Variants in CROCC2 observed in about 807,000 individuals in gnomAD.
The protein encoded by CROCC2 is ciliary rootlet coiled-coil, rootletin family member 2, also known as ciliary rootlet coiled-coil protein 2.
Under a neutral mutation model 177.6 loss-of-function variants are expected in CROCC2, and 163 were observed. That is an observed-to-expected ratio of 0.92 (90% CI 0.81 to 1.05). The LOEUF (loss-of-function observed/expected upper bound fraction) is 1.05. Ranked by LOEUF, CROCC2 falls within the 50% of genes least tolerant of loss-of-function variation. CROCC2 has a pLI of 0.00. For missense variants in CROCC2, 1,929 were observed against 1,797.8 expected (o/e 1.07, Z -1.32); for synonymous variants, 904 against 787.3 (o/e 1.15, Z -2.48).
In CROCC2 at chr2:240,930,879, C is replaced by T. The variant is rs2059424712; in HGVS notation, c.750-52C>T. ...TGTGGGGCTGATGGGACCAGGCCCT[C>T]CCTCTGCAGATGGGTCCTGAGTCCG... is the stretch of plus-strand genomic sequence containing the variant. On this transcript the variant is annotated intron_variant, in intron 6 of 31. Coordinates refer to ENST00000690015, the MANE Select transcript of CROCC2 (RefSeq NM_001351305.2). The T allele has an allele frequency of 7.6e-6, 5 of 655,934 alleles. No individual in the cohort carries two copies. The Admixed American group carries it at 1.1e-4, about 14-fold the overall frequency. The allele number at this position is 655,934 out of a possible 1,614,324, so 40.6% of individuals were successfully genotyped here.
At chr2:240,952,239 C>T (rs994078289) in intron 18 of CROCC2, among the ~76,000 whole-genome samples, 3 of 143,428 alleles carry the variant, frequency 2.1e-5, no homozygotes, top group South Asian at 4.4e-4. Context: ...CCCAGCTACT[C>T]GGGAGGCTGA....
intron 11 of CROCC2, 46 bp downstream of exon 11, chr2:240,933,898 A>T (rs768391990): frequency 6.6e-7 from 1 of 1,513,152 alleles, no homozygotes; most frequent in South Asian, 1.2e-5. Context: ...CACAGAAGAG[A>T]CCCCACTCTG....
Position 240,935,603 on chromosome 2 carries a change from A to G in CROCC2, c.2169+15A>G. ...AGGTGGGCCAGGTGAGGACGTCTGCAGGGCATGCTGCCGCCGTCTGGGATG... is the reference window on the plus strand; with the variant it reads ...AGGTGGGCCAGGTGAGGACGTCTGCGGGGCATGCTGCCGCCGTCTGGGATG... On this transcript the variant is annotated intron_variant, in intron 14 of 31. Coordinates refer to ENST00000690015, the MANE Select transcript of CROCC2 (RefSeq NM_001351305.2). 7.2e-7 allele frequency: 1 copy of G among 1,384,206 alleles called. No homozygotes were observed. Among genetic ancestry groups the G allele is most frequent in the Non-Finnish European group, 9.3e-7 (1 of 1,070,804 alleles). 85.7% of individuals were successfully genotyped at this position (1,384,206 alleles called of 1,614,324 possible).
chr2:240,975,745 T>C (rs1384547121), intron 27 of CROCC2, among the ~76,000 whole-genome samples: 1 of 116,396 alleles, frequency 8.6e-6, no homozygotes, highest in East Asian at 2.8e-4. Flanking sequence ...TTTTTTTTTT[T>C]TGAGACAGAG....
At chr2:240,947,921 T>C (rs1300912151) in intron 15 of CROCC2, among the ~76,000 whole-genome samples, 1 of 151,962 alleles carries the variant, frequency 6.6e-6, no homozygotes, top group Admixed American at 6.6e-5. Context: ...CTGGAGTTTC[T>C]CCTGGGCCCC....
intron 6 of CROCC2, 61 bp downstream of exon 6, chr2:240,930,330 T>G: frequency 2.1e-6 from 1 of 469,384 alleles, no homozygotes. Flanking sequence ...GAAACCCCCT[T>G]GGGGAGGGGG....
At position 240,932,768 on chromosome 2, in the gene CROCC2, C is replaced by A. The variant is rs779831749; in HGVS notation, c.1111C>A (p.Arg371=). The change falls in exon 9 of 32, where the codon CGG becomes AGG. Residue 371 remains arginine, a synonymous_variant. Transcript: ENST00000690015. ...GSSITELGEP[R]RPLRSPQRAT... ...CAGCATCACTGAATTGGGGGAGCCA[C>A]GGCGCCCACTGAGGAGCCCCCAACG... The A allele has an allele frequency of 2.1e-5, 26 of 1,249,196 alleles. No individual in the cohort carries two copies. In the South Asian group the frequency reaches 3.0e-4, roughly 14 times the overall value. 77.4% of individuals were successfully genotyped at this position (1,249,196 alleles called of 1,614,324 possible). A position where few individuals can be genotyped will look rare whatever the true frequency, so the allele number is the denominator to read the frequency against.
In CROCC2 at chr2:240,925,716, C is replaced by A; in HGVS notation, c.489-8C>A. On this transcript the variant is annotated splice_region_variant and splice_polypyrimidine_tract_variant and intron_variant, in intron 4 of 31. Coordinates refer to ENST00000690015, the MANE Select transcript of CROCC2 (RefSeq NM_001351305.2). ...ACCCCCACCATGCCCTGTGGGTTCT[C>A]TGTCCAGGAGCACCGGCCTCTGTCA... 1 of 711,086 alleles carries A rather than the reference C, an allele frequency of 1.4e-6. No homozygotes were observed. The highest frequency in any genetic ancestry group is 1.5e-5 in the South Asian group (1 of 66,594). The allele number at this position is 711,086 out of a possible 1,614,324, so 44.0% of individuals were successfully genotyped here.
At position 240,988,844 on chromosome 2, in the gene CROCC2, G is replaced by A; in HGVS notation, c.4657G>A (p.Ala1553Thr). ...LNSLHQEVDG[A>T]LRQNQQLQAQ... ...CAGCCTGCACCAGGAGGTGGACGGA[G>A]CCCTGAGGCAAAATCAGCAGCTGCA... The change falls in exon 29 of 32, where the codon GCC (alanine) becomes ACC (threonine). Residue 1553 changes from alanine (A) to threonine (T), a missense_variant. Coordinates refer to ENST00000690015, the MANE Select transcript of CROCC2 (RefSeq NM_001351305.2). 6.7e-7 allele frequency: 1 copy of A among 1,497,894 alleles called. No individual in the cohort carries two copies. Among genetic ancestry groups the A allele is most frequent in the Middle Eastern group, 1.7e-4 (1 of 5,746 alleles). 92.8% of individuals were successfully genotyped at this position (1,497,894 alleles called of 1,614,324 possible).
chr2:240,929,604 T>C (rs1412413767), intron 5 of CROCC2: 1 of 451,566 alleles, frequency 2.2e-6, no homozygotes. Flanking sequence ...CTGAACTGGG[T>C]ACCCAGTGCT....
At chr2:240,942,560 T>A (rs1485133357) in intron 14 of CROCC2, among the ~76,000 whole-genome samples, 28 of 152,216 alleles carry the variant, frequency 1.8e-4, no homozygotes, top group Admixed American at 1.8e-3. Context: ...GACTTTGTGT[T>A]TTTGTAGATA....
In CROCC2 at chr2:240,965,505, GT is replaced by G. The variant is rs1348104371; in HGVS notation, c.3591del (p.Ala1198ProfsTer195). ...QAAKAEAKHEGARKEVLGLQR... is the reference protein window; with the variant it reads ...QAAKAEAKHEXARKEVLGLQR... Reference sequence around the variant, plus strand: ...GCCAAGGCAGAGGCCAAGCACGAGGGTGCCCGGAAGGAGGTGGGAGGGCTGC... The same window carrying G: ...GCCAAGGCAGAGGCCAAGCACGAGGGGCCCGGAAGGAGGTGGGAGGGCTGC... On this transcript the variant is annotated frameshift_variant, in exon 23 of 32. Transcript: ENST00000690015. LOFTEE classifies it high-confidence loss of function. The G allele has an allele frequency of 6.5e-7, 1 of 1,550,148 alleles. No individual in the cohort carries two copies. Among genetic ancestry groups the G allele is most frequent in the Non-Finnish European group, 8.7e-7 (1 of 1,146,992 alleles).
chr2:240,956,118 G>A (rs577568498), intron 19 of CROCC2, 146 bp downstream of exon 19: 2 of 641,772 alleles, frequency 3.1e-6, no homozygotes, highest in Admixed American at 5.0e-5. Flanking sequence ...TGCCTCCAGG[G>A]CTCCTGGTGG....
chr2:240,925,044 G>A (rs2059387076), intron 4 of CROCC2, among the ~76,000 whole-genome samples: 1 of 149,440 alleles, frequency 6.7e-6, no homozygotes, highest in African/African-American at 2.5e-5. Flanking sequence ...GCCCTGCACA[G>A]CAACCAAGGC....
At chr2:240,989,951 A>G (rs1162009050) in intron 30 of CROCC2, 118 bp downstream of exon 30, 1 of 986,418 alleles carries the variant, frequency 1.0e-6, no homozygotes, top group African/African-American at 1.6e-5. Flanking sequence ...GGGGCTCTCC[A>G]CTGCCACCCA....
In CROCC2 at chr2:240,946,040, C is replaced by T; in HGVS notation, c.2170-20C>T. 1 of 1,478,798 alleles carries T rather than the reference C, an allele frequency of 6.8e-7. No homozygotes were observed. The highest frequency in any genetic ancestry group is 9.1e-7 in the Non-Finnish European group (1 of 1,100,038). The allele number at this position is 1,478,798 out of a possible 1,614,324, so 91.6% of individuals were successfully genotyped here. On this transcript the variant is annotated intron_variant, in intron 14 of 31. Transcript: ENST00000690015. ...CTTACTCTCTTTCTCTGCCGACTGT[C>T]CCCTCCCCACCTCCCCTAGGTCACA...
intron 28 of CROCC2, chr2:240,983,796 G>A (rs2059818396): frequency 2.8e-6 from 1 of 362,524 alleles, no homozygotes; most frequent in Non-Finnish European, 5.0e-6. Flanking sequence ...AGGCACCATG[G>A]GTGGGGGCAA....
At chr2:240,914,605 A>C (rs1056663607) in intron 1 of CROCC2, among the ~76,000 whole-genome samples, 2 of 151,970 alleles carry the variant, frequency 1.3e-5, no homozygotes, top group Non-Finnish European at 2.9e-5. Context: ...AGCTGCCTCC[A>C]TCCCACCCCT....
rs148116670 is a variant in CROCC2 at position 240,914,162 on chromosome 2, A to G, written c.79-4564A>G. On this transcript the variant is annotated intron_variant, in intron 1 of 31. Transcript: ENST00000690015. ...GGAGAACTGCAGTGGAGCCAAGTCCAGACACCGCCGCTGGGAAGGCTCATC... is the reference window on the plus strand; with the variant it reads ...GGAGAACTGCAGTGGAGCCAAGTCCGGACACCGCCGCTGGGAAGGCTCATC... Among the ~76,000 whole-genome samples the G allele has an allele frequency of 4.6e-3, 702 of 152,308 alleles. 2 individuals carry two copies. The highest frequency in any genetic ancestry group is 7.1e-3 in the Non-Finnish European group (485 of 68,006).
Sources: gnomAD v4.1 joint callset for allele counts (sites outside exome capture counted in the v4.1 genomes callset) on GRCh38, gnomAD v4.1.1 for gene constraint, MANE v1.5 for transcripts, NCBI Gene and HGNC (gene_info 2026-07-23, HGNC 2026-07-21) for gene names.